Variants in PCDHGA5 observed in about 807,000 individuals in gnomAD.
PCDHGA5 encodes the protein protocadherin gamma subfamily A, 5, also known as protocadherin gamma-A5.
In PCDHGA5, 36 loss-of-function variants were observed where a neutral mutation model predicts 56.7. That is an observed-to-expected ratio of 0.64 (90% CI 0.49 to 0.84). PCDHGA5 has a LOEUF of 0.84. PCDHGA5 is among the 40% of genes least tolerant of loss of function. The pLI is 0.00. For synonymous variants in PCDHGA5, 563 were observed against 520.2 expected, an observed-to-expected ratio of 1.08 and a Z score of -1.12; for missense variants, 1,305 against 1,201.5, an observed-to-expected ratio of 1.09 and a Z score of -1.27.
intron 1 of PCDHGA5, chr5:141,404,934 C>A: frequency 5.6e-6 from 9 of 1,613,986 alleles, no homozygotes; most frequent in Non-Finnish European, 6.8e-6. Flanking sequence ...GTCACGCTCA[C>A]AGTAGCCATA....
chr5:141,487,748 T>A lies in PCDHGA5; in HGVS notation c.2422-7059T>A, dbSNP rs1458153935. ...TGTCACCATTTTTGTAAGAGGTAACTATGTGGTAGACGCTGTGCTTTGTAA... is the reference window on the plus strand; with the variant it reads ...TGTCACCATTTTTGTAAGAGGTAACAATGTGGTAGACGCTGTGCTTTGTAA... On this transcript the variant is annotated intron_variant, in intron 1 of 3. Transcript: ENST00000518069. This position sits in a 1 kb window ranked among gnomAD's most constrained non-coding sequence, Gnocchi z 5.0. 6.4e-7 allele frequency: 1 copy of A among 1,557,554 alleles called. No homozygotes were observed. The highest frequency in any genetic ancestry group is 1.2e-5 in the South Asian group (1 of 84,814).
chr5:141,371,319 T>C (rs776468783), intron 1 of PCDHGA5: 27 of 1,613,954 alleles, frequency 1.7e-5, no homozygotes, highest in Non-Finnish European at 2.3e-5. Context: ...AGAACTGGAC[T>C]TTGAAGAGAG....
chr5:141,488,572 T>C (rs888054788), intron 1 of PCDHGA5, among the ~76,000 whole-genome samples: 28 of 152,212 alleles, frequency 1.8e-4, no homozygotes, highest in African/African-American at 6.8e-4. Flanking sequence ...CCGCAAAGCA[T>C]TGCTGGAGAG....
At chr5:141,376,213 G>A (rs754053100) in intron 1 of PCDHGA5, 3 of 1,614,224 alleles carry the variant, frequency 1.9e-6, no homozygotes, top group South Asian at 1.1e-5. Flanking sequence ...TCGTCATCGT[G>A]CTGCTGGCGC....
chr5:141,374,333 T>G lies in PCDHGA5; in HGVS notation c.2421+7582T>G, dbSNP rs767860795. 3.7e-6 allele frequency: 6 copies of G among 1,613,886 alleles called. No homozygotes were observed. In the African/African-American group the frequency reaches 5.3e-5, roughly 14 times the overall value. On this transcript the variant is annotated intron_variant, in intron 1 of 3. Coordinates refer to ENST00000518069, the MANE Select transcript of PCDHGA5 (RefSeq NM_018918.3). ...CTCTCTGAATCCGCGAAACGGCAGC[T>G]TGGTCACCGCGGGTAGGATAGACCG...
Position 141,431,599 on chromosome 5 carries a change from C to T in PCDHGA5, c.2422-63208C>T. On this transcript the variant is annotated intron_variant, in intron 1 of 3. Transcript: ENST00000518069. The surrounding 1 kb of genome is among the most constrained non-coding windows in gnomAD (Gnocchi z 4.8). ...GAGTCAATGCGGAAGTGAGGTATTC[C>T]TTCCGGTATGTGGACGACAAGGCGG... 1 of 1,614,194 alleles carries T rather than the reference C, an allele frequency of 6.2e-7. No individual in the cohort carries two copies. The highest frequency in any genetic ancestry group is 8.5e-7 in the Non-Finnish European group (1 of 1,180,034).
intron 1 of PCDHGA5, among the ~76,000 whole-genome samples, chr5:141,465,360 C>T (rs1238387777): frequency 6.6e-6 from 1 of 151,940 alleles, no homozygotes; most frequent in Non-Finnish European, 1.5e-5. Context: ...AAAATGGGTG[C>T]CCTTTAAAGT....
intron 1 of PCDHGA5, among the ~76,000 whole-genome samples, chr5:141,465,094 G>GT (rs138941665): frequency 0.11 from 15,577 of 148,094 alleles, 909 homozygotes; most frequent in African/African-American, 0.15. Flanking sequence ...TTTTCTAGTA[G>GT]TTTTTTTTTT....
At chr5:141,501,333 A>C (rs200092587) in intron 2 of PCDHGA5, among the ~76,000 whole-genome samples, 397 of 140,104 alleles carry the variant, frequency 2.8e-3, no homozygotes, top group Non-Finnish European at 2.6e-3. Flanking sequence ...ACACACACAC[A>C]CCCCAAACTC....
At chr5:141,448,215 C>T (rs927573458) in intron 1 of PCDHGA5, among the ~76,000 whole-genome samples, 5 of 152,046 alleles carry the variant, frequency 3.3e-5, no homozygotes, top group African/African-American at 9.7e-5. Flanking sequence ...TGTGTGTATG[C>T]GAATGTATGT....
At chr5:141,423,631 T>G (rs1452661307) in intron 1 of PCDHGA5, 2 of 1,603,990 alleles carry the variant, frequency 1.2e-6, no homozygotes, top group African/African-American at 2.7e-5. Flanking sequence ...AGCTATCATT[T>G]TAGGCAAATG....
intron 1 of PCDHGA5, chr5:141,427,308 G>A (rs2097014480): frequency 2.2e-6 from 1 of 456,846 alleles, no homozygotes; most frequent in Non-Finnish European, 4.4e-6. Flanking sequence ...GAATGACAAT[G>A]CCCCAGACGT....
Position 141,419,652 on chromosome 5 carries a change from C to T in PCDHGA5, c.2421+52901C>T, listed in dbSNP as rs563445438. 15 of 1,612,592 alleles carry T rather than the reference C, an allele frequency of 9.3e-6. 1 individual carries two copies. In the Admixed American group the frequency reaches 1.3e-4, roughly 14 times the overall value. On this transcript the variant is annotated intron_variant, in intron 1 of 3. Transcript: ENST00000518069. ...AAGGTGGTGGCCGTGGACGCGGACT[C>T]GGGGCACAATGCCTGGCTGTCCTAC... is the stretch of plus-strand genomic sequence containing the variant.
rs553772792 is a variant in PCDHGA5, at chr5:141,444,542, G to A, written c.2422-50265G>A. ...AGGTGAGACAGTGACTGTGTCTAGT[G>A]AGCAAAAGGCACTTATTTGACACTT... On this transcript the variant is annotated intron_variant, in intron 1 of 3. Coordinates refer to ENST00000518069, the MANE Select transcript of PCDHGA5 (RefSeq NM_018918.3). 3.3e-5 allele frequency among the ~76,000 whole-genome samples: 5 copies of A among 152,156 alleles called. No individual in the cohort carries two copies. The East Asian group carries it at 7.7e-4, about 24-fold the overall frequency.
At chr5:141,375,611 G>C (rs1049659012) in intron 1 of PCDHGA5, 3 of 1,614,060 alleles carry the variant, frequency 1.9e-6, no homozygotes, top group African/African-American at 1.3e-5. Context: ...CATCAACTCC[G>C]ACACTGGGAT....
In PCDHGA5 at chr5:141,376,683, T is replaced by TTTTTTTTTG. The variant is rs1773156952; in HGVS notation, c.2421+9940_2421+9941insGTTTTTTTT. 4 of 803,912 alleles carry TTTTTTTTTG rather than the reference T, an allele frequency of 5.0e-6. 1 individual carries two copies. The highest frequency in any genetic ancestry group is 3.9e-5 in the African/African-American group (2 of 51,902). 49.8% of individuals were successfully genotyped at this position (803,912 alleles called of 1,614,324 possible). A position where few individuals can be genotyped will look rare whatever the true frequency, so the allele number is the denominator to read the frequency against. On this transcript the variant is annotated intron_variant, in intron 1 of 3. Coordinates refer to ENST00000518069, the MANE Select transcript of PCDHGA5 (RefSeq NM_018918.3). ...TGTTCAGGTGAGGGTATCGTTTTTT[T>TTTTTTTTTG]TTTTTTTTTTTTTTGAGACGGAGTC...
chr5:141,394,085 C>T, intron 1 of PCDHGA5: 3 of 1,613,886 alleles, frequency 1.9e-6, no homozygotes, highest in Non-Finnish European at 2.5e-6. Flanking sequence ...CAGTGATGGC[C>T]TCAGATCTAG....
At chr5:141,473,733 G>A (rs943072050) in intron 1 of PCDHGA5, among the ~76,000 whole-genome samples, 19 of 152,214 alleles carry the variant, frequency 1.2e-4, no homozygotes, top group Admixed American at 3.9e-4. Flanking sequence ...GAGAGAGGGA[G>A]AAGACATGAG....
intron 1 of PCDHGA5, chr5:141,422,554 G>A (rs753985751): frequency 1.2e-5 from 19 of 1,613,870 alleles, no homozygotes; most frequent in Non-Finnish European, 1.6e-5. Flanking sequence ...CTGGCTGAAT[G>A]TGGCAGATGA....
Sources: gnomAD v4.1 joint callset for allele counts (sites outside exome capture counted in the v4.1 genomes callset) on GRCh38, gnomAD v4.1.1 for gene constraint, Gnocchi (gnomAD v3.1) non-coding constraint, MANE v1.5 for transcripts, NCBI Gene and HGNC (gene_info 2026-07-23, HGNC 2026-07-21) for gene names.